Variants in MAG observed in about 807,000 individuals in gnomAD.
The protein encoded by MAG is myelin-associated glycoprotein.
A neutral mutation model predicts 60.7 loss-of-function variants in MAG; 30 were observed. The observed-to-expected ratio is 0.49, with a 90% CI of 0.37 to 0.67. The LOEUF (loss-of-function observed/expected upper bound fraction) is 0.67. Ranked by LOEUF, MAG falls within the 30% of genes least tolerant of loss-of-function variation. The probability of loss-of-function intolerance (pLI) is 0.00; values close to 1 mark genes in which losing one functional copy is unlikely to be tolerated. For missense variants in MAG, 795 were observed against 851.7 expected (o/e 0.93, Z 0.83); for synonymous variants, 384 against 376.8 (o/e 1.02, Z -0.22).
chr19:35,309,709 GCT>G, intron 7 of MAG, 163 bp from the exon 8 acceptor site: 2 of 750,308 alleles, frequency 2.7e-6, no homozygotes, highest in East Asian at 2.5e-5. Context: ...AGGTCAAGGC[GCT>G]CTCAGTCAGG....
At chr19:35,309,841 G>C (rs144178944) in intron 7 of MAG, 33 bp from the exon 8 acceptor site, 2 of 1,590,678 alleles carry the variant, frequency 1.3e-6, no homozygotes, top group South Asian at 2.2e-5. Flanking sequence ...CGTTGGCTCC[G>C]GGCCACCCTC....
chr19:35,312,230 G>T (rs976803724), intron 10 of MAG: 4 of 1,558,850 alleles, frequency 2.6e-6, no homozygotes, highest in Admixed American at 1.7e-5. Context: ...GGGCCTAAGG[G>T]CCCCCTCCCC....
intron 6 of MAG, among the ~76,000 whole-genome samples, chr19:35,301,590 C>A (rs1249243268): frequency 6.6e-6 from 1 of 152,110 alleles, no homozygotes; most frequent in Non-Finnish European, 1.5e-5. Flanking sequence ...CACCACCACA[C>A]CTGGCTAATT....
chr19:35,295,603 T>G lies in MAG; in HGVS notation c.47-10T>G, dbSNP rs776468293. On this transcript the variant is annotated splice_polypyrimidine_tract_variant and intron_variant, in intron 3 of 10. Transcript: ENST00000392213. This position sits in a 1 kb window ranked among gnomAD's most constrained non-coding sequence, Gnocchi z 5.8. ...TGTCCCTGAGCCTCAGCTCTCCTGCTTGCCCGCAGCCTCCCGAGGGGGTCA... is the reference window on the plus strand; with the variant it reads ...TGTCCCTGAGCCTCAGCTCTCCTGCGTGCCCGCAGCCTCCCGAGGGGGTCA... 1.4e-5 allele frequency: 23 copies of G among 1,597,918 alleles called. No individual in the cohort carries two copies. In the Admixed American group the frequency reaches 3.9e-4, roughly 27 times the overall value.
rs201311667 is a variant in MAG at position 35,310,014 on chromosome 19, C to T, written c.1372C>T (p.Arg458Trp). 7.4e-6 allele frequency: 12 copies of T among 1,614,002 alleles called. No homozygotes were observed. Among genetic ancestry groups the T allele is most frequent in the Non-Finnish European group, 1.0e-5 (12 of 1,179,942 alleles). ...CAATGTGACCGTGAACGAGAGCGAG[C>T]GGGAGTTCGTGTACTCGGAGCGCAG... Reference protein sequence around the residue: ...SRNVTVNESEREFVYSERSGL... With the variant: ...SRNVTVNESEWEFVYSERSGL... The change falls in exon 8 of 11, where the codon CGG becomes TGG. Residue 458 changes from arginine to tryptophan, a missense_variant. Physicochemically the swap from Arg to Trp is moderately radical, Grantham distance 101. Transcript: ENST00000392213.
Position 35,313,656 on chromosome 19 carries a change from G to A in MAG, c.*202G>A. ...CCAGCACCCCCACGCCCTCATTACG[G>A]CTCCTCTCTAACCTCCTTTACCCTC... On this transcript the variant is annotated 3_prime_UTR_variant, in exon 11 of 11. Transcript: ENST00000392213. 1 of 567,068 alleles carries A rather than the reference G, an allele frequency of 1.8e-6. No individual in the cohort carries two copies. The highest frequency in any genetic ancestry group is 2.1e-5 in the South Asian group (1 of 46,668). 35.1% of individuals were successfully genotyped at this position (567,068 alleles called of 1,614,324 possible).
rs538336091 is a variant in MAG, at chr19:35,313,770, G to T, written c.*316G>T. The T allele has an allele frequency of 4.3e-6, 1 of 234,794 alleles. No homozygotes were observed. The highest frequency in any genetic ancestry group is 1.3e-4 in the South Asian group (1 of 7,488). The allele number at this position is 234,794 out of a possible 1,614,324, so 14.5% of individuals were successfully genotyped here. A position where few individuals can be genotyped will look rare whatever the true frequency, so the allele number is the denominator to read the frequency against. ...GCCCCCACACCTGGCCCTGGGGCCT[G>T]TACAAAAGGGACATGAAATAAATGC... On this transcript the variant is annotated 3_prime_UTR_variant, in exon 11 of 11. Coordinates refer to ENST00000392213, the MANE Select transcript of MAG (RefSeq NM_002361.4).
At position 35,293,966 on chromosome 19, in the gene MAG, C is replaced by T. The variant is rs2066376987; in HGVS notation, c.-79-269C>T. ...CGGCCGTGGGACATCTGCTCCCTCA[C>T]TCCACTCGCCACACCCCTCAGTCTC... is the stretch of plus-strand genomic sequence containing the variant. On this transcript the variant is annotated intron_variant, in intron 1 of 10. Transcript: ENST00000392213. This position sits in a 1 kb window ranked among gnomAD's most constrained non-coding sequence, Gnocchi z 4.0. Among the ~76,000 whole-genome samples, 1 of 152,124 alleles carries T rather than the reference C, an allele frequency of 6.6e-6. No homozygotes were observed. Among genetic ancestry groups the T allele is most frequent in the African/African-American group, 2.4e-5 (1 of 41,418 alleles).
Position 35,296,116 on chromosome 19 carries a change from T to A in MAG, c.415+135T>A, listed in dbSNP as rs1024105438. On this transcript the variant is annotated intron_variant, in intron 4 of 10. Transcript: ENST00000392213. ...TGGGAGGTGCTGATTTGGCTGGGGG[T>A]GCAAACCTCAAGGCCCACGCAGACC... 7.5e-5 allele frequency: 95 copies of A among 1,265,014 alleles called. No homozygotes were observed. The African/African-American group carries it at 1.3e-3, about 18-fold the overall frequency. The allele number at this position is 1,265,014 out of a possible 1,614,324, so 78.4% of individuals were successfully genotyped here.
In MAG at chr19:35,295,776, C is replaced by T. The variant is rs201989331; in HGVS notation, c.210C>T (p.Pro70=). ...ATAGCCCCTACCCCAAGAACTACCC[C>T]CCGGTGGTCTTCAAGTCGCGCACCC... The part of the protein sequence containing the change: ...YFNSPYPKNY[P]PVVFKSRTQV... The change falls in exon 4 of 11, where the codon CCC becomes CCT. Residue 70 remains proline (P), a synonymous_variant. Coordinates refer to ENST00000392213, the MANE Select transcript of MAG (RefSeq NM_002361.4). This position sits in a 1 kb window ranked among gnomAD's most constrained non-coding sequence, Gnocchi z 5.8. 2 of 1,614,020 alleles carry T rather than the reference C, an allele frequency of 1.2e-6. No homozygotes were observed. Among genetic ancestry groups the T allele is most frequent in the East Asian group, 2.2e-5 (1 of 44,890 alleles).
At chr19:35,310,256 G>A (rs865806784) in intron 8 of MAG, 95 bp downstream of exon 8, 2 of 1,414,890 alleles carry the variant, frequency 1.4e-6, no homozygotes, top group Non-Finnish European at 1.9e-6. Flanking sequence ...CAGAGCATGG[G>A]CTATGCAGAT....
intron 4 of MAG, 66 bp downstream of exon 4, chr19:35,296,047 G>GA: frequency 6.6e-7 from 1 of 1,511,026 alleles, no homozygotes; most frequent in Non-Finnish European, 8.8e-7. Context: ...AGTGTGGCCG[G>GA]AAGGCCTCCC....
At chr19:35,294,155 T>C in intron 1 of MAG, 80 bp from the exon 2 acceptor site, 1 of 358,992 alleles carries the variant, frequency 2.8e-6, no homozygotes, top group Non-Finnish European at 5.5e-6. Context: ...TCACAACCCA[T>C]GCAGGAGATA....
In MAG at chr19:35,300,424, C is replaced by G. The variant is rs771833403; in HGVS notation, c.970+20C>G. 2.0e-6 allele frequency: 3 copies of G among 1,537,694 alleles called. No individual in the cohort carries two copies. Among genetic ancestry groups the G allele is most frequent in the Non-Finnish European group, 1.8e-6 (2 of 1,142,026 alleles). Reference sequence around the variant, plus strand: ...TCATGTGTGAGTGGCCCACTCTGTGCGTCCACACGCCCACCTGCAGCCGAG... The same window carrying G: ...TCATGTGTGAGTGGCCCACTCTGTGGGTCCACACGCCCACCTGCAGCCGAG... On this transcript the variant is annotated intron_variant, in intron 6 of 10. Transcript: ENST00000392213.
intron 7 of MAG, among the ~76,000 whole-genome samples, 193 bp downstream of exon 7, chr19:35,302,901 C>A (rs893896172): frequency 6.7e-6 from 1 of 148,932 alleles, no homozygotes; most frequent in African/African-American, 2.5e-5. Flanking sequence ...GTTCCCACAT[C>A]CGGGAGTGGG....
At chr19:35,310,496 C>G (rs1568476759) in intron 8 of MAG, 51 bp from the exon 9 acceptor site, 1 of 1,495,744 alleles carries the variant, frequency 6.7e-7, no homozygotes. Context: ...TCTCAGGTGT[C>G]GTCACCACCA....
intron 7 of MAG, among the ~76,000 whole-genome samples, chr19:35,304,276 T>G (rs2066468811): frequency 6.6e-6 from 1 of 152,170 alleles, no homozygotes; most frequent in African/African-American, 2.4e-5. Context: ...GTGCGTGCTA[T>G]CCTGGGCCAG....
chr19:35,312,208 C>T (rs2066533240), intron 10 of MAG, 191 bp downstream of exon 10: 21 of 1,423,694 alleles, frequency 1.5e-5, no homozygotes, highest in East Asian at 2.3e-5. Flanking sequence ...GTGTAGGGGG[C>T]GATGGGACGT....
intron 2 of MAG, 104 bp downstream of exon 2, chr19:35,294,394 C>T (rs181380131): frequency 9.8e-5 from 39 of 399,236 alleles, no homozygotes; most frequent in Middle Eastern, 6.9e-4. Flanking sequence ...AGGGGCATCA[C>T]GGTGACAAAG....
Sources: allele counts gnomAD v4.1 joint callset (sites outside exome capture counted in the v4.1 genomes callset), GRCh38; gene constraint gnomAD v4.1.1; non-coding constraint Gnocchi (gnomAD v3.1); transcripts MANE v1.5; gene names NCBI Gene and HGNC (gene_info 2026-07-23, HGNC 2026-07-21).